PAK4: variants seen among roughly 807,000 people sequenced by gnomAD.
PAK4 encodes the protein p21 (RAC1) activated kinase 4.
PAK4 carries 49 observed loss-of-function variants against 53.5 expected under a neutral mutation model. The ratio of observed to expected loss-of-function variants is 0.92; its 90% confidence interval spans 0.73 to 1.16. The LOEUF (loss-of-function observed/expected upper bound fraction) is 1.16, where lower values mean the gene tolerates loss of function less well. Among genes scored for constraint, PAK4 ranks in the 50% most tolerant of loss-of-function variants. PAK4 has a pLI of 0.00. For missense variants in PAK4, 824 were observed against 850.7 expected (o/e 0.97, Z 0.39); for synonymous variants, 376 against 375.6 (o/e 1.00, Z -0.01).
At chr19:39,153,051 T>C (rs563927920) in intron 1 of PAK4, among the ~76,000 whole-genome samples, 5 of 152,280 alleles carry the variant, frequency 3.3e-5, no homozygotes, top group East Asian at 3.9e-4. Flanking sequence ...TGTATAGATA[T>C]ATCAATTTTT....
chr19:39,159,729 G>A (rs2074253002), intron 1 of PAK4, among the ~76,000 whole-genome samples: 1 of 152,216 alleles, frequency 6.6e-6, no homozygotes, highest in Admixed American at 6.5e-5. Context: ...ATAACAAGGT[G>A]AAGGTTGAGG....
At chr19:39,138,873 C>T (rs1347901591) in intron 1 of PAK4, among the ~76,000 whole-genome samples, 3 of 152,218 alleles carry the variant, frequency 2.0e-5, no homozygotes, top group African/African-American at 7.2e-5. Flanking sequence ...CACAGCGTGG[C>T]AGGAAGGAGC....
intron 1 of PAK4, among the ~76,000 whole-genome samples, chr19:39,144,779 A>G (rs1600332129): frequency 6.6e-6 from 1 of 151,374 alleles, no homozygotes; most frequent in African/African-American, 2.4e-5. Context: ...CATGTGTGTG[A>G]GTGTGTGTGT....
rs1404701675 is a variant in PAK4, at chr19:39,148,010, G to A, written c.-22-21522G>A. 2.1e-5 allele frequency among the ~76,000 whole-genome samples: 3 copies of A among 145,384 alleles called. No homozygotes were observed. The East Asian group carries it at 6.1e-4, about 30-fold the overall frequency. ...TCTGTCGCCCAGGCTGGAGTACAGT[G>A]GTGTGATCTCGGTTCACTGTGGCCT... On this transcript the variant is annotated intron_variant, in intron 1 of 8. Coordinates refer to ENST00000358301, the Ensembl canonical transcript of PAK4.
At chr19:39,144,182 A>C (rs1252659335) in intron 1 of PAK4, among the ~76,000 whole-genome samples, 1 of 151,590 alleles carries the variant, frequency 6.6e-6, no homozygotes, top group Admixed American at 6.6e-5. Flanking sequence ...AGATAGATAG[A>C]TAGATAGATA....
intron 1 of PAK4, among the ~76,000 whole-genome samples, chr19:39,144,064 G>A (rs2073956296): frequency 6.6e-6 from 1 of 152,026 alleles, no homozygotes; most frequent in South Asian, 2.1e-4. Flanking sequence ...TAGATAGATA[G>A]ATAAGATAGA....
intron 4 of PAK4, among the ~76,000 whole-genome samples, chr19:39,174,243 G>A (rs1453310600): frequency 3.3e-5 from 5 of 151,434 alleles, no homozygotes; most frequent in African/African-American, 1.2e-4. Flanking sequence ...AGGGTTCCTC[G>A]GGCCACTGAC....
At chr19:39,182,214 A>G, downstream of PAK4, 1 of 152,204 alleles carries the variant, frequency 6.6e-6, no homozygotes, top group Middle Eastern at 3.4e-3. Context: ...AGAATTCCTT[A>G]TGCTCCCAAG....
intron 1 of PAK4, among the ~76,000 whole-genome samples, chr19:39,146,515 C>G (rs945763756): frequency 3.3e-5 from 5 of 152,214 alleles, no homozygotes; most frequent in African/African-American, 1.2e-4. Context: ...ATTCTGAGAT[C>G]ATTGTAGATT....
rs1406346908 is a variant in PAK4, at chr19:39,178,036, C to T, written c.1620+227C>T. 6.6e-6 allele frequency among the ~76,000 whole-genome samples: 1 copy of T among 152,124 alleles called. No homozygotes were observed. Among genetic ancestry groups the T allele is most frequent in the African/African-American group, 2.4e-5 (1 of 41,412 alleles). ...AGGCCCTCTGCACCCTCACCATTGCCCTGGGCCCCACCCAGCCCTAGAGAG... is the reference window on the plus strand; with the variant it reads ...AGGCCCTCTGCACCCTCACCATTGCTCTGGGCCCCACCCAGCCCTAGAGAG... On this transcript the variant is annotated intron_variant, in intron 8 of 8. Transcript: ENST00000358301. This position sits in a 1 kb window ranked among gnomAD's most constrained non-coding sequence, Gnocchi z 4.4.
chr19:39,147,847 T>G (rs1464341361), intron 1 of PAK4, among the ~76,000 whole-genome samples: 2 of 147,060 alleles, frequency 1.4e-5, no homozygotes, highest in Non-Finnish European at 3.0e-5. Context: ...TCGGGTTTTT[T>G]TTTTTTTTTT....
chr19:39,137,093 A>G (rs893453590), intron 1 of PAK4, among the ~76,000 whole-genome samples: 5 of 152,180 alleles, frequency 3.3e-5, no homozygotes, highest in South Asian at 4.1e-4. Flanking sequence ...GTTCCTGGAC[A>G]TTCCTGAAGT....
chr19:39,159,088 C>T (rs1317221891), intron 1 of PAK4, among the ~76,000 whole-genome samples: 1 of 152,136 alleles, frequency 6.6e-6, no homozygotes, highest in African/African-American at 2.4e-5. Context: ...ATCACTACCC[C>T]CAGTTTGCAG....
chr19:39,130,084 C>T (rs1357929270), intron 1 of PAK4, among the ~76,000 whole-genome samples: 3 of 88,764 alleles, frequency 3.4e-5, no homozygotes, highest in Admixed American at 1.4e-4. Context: ...AGGGTCAGGG[C>T]GGGATGTGGG....
chr19:39,176,838 C>A, intron 7 of PAK4, 123 bp downstream of exon 8: 1 of 1,132,744 alleles, frequency 8.8e-7, no homozygotes, highest in Non-Finnish European at 1.3e-6. Flanking sequence ...GTGCTCTGGA[C>A]AAGGAGGTAC....
chr19:39,141,901 A>T (rs1245959360), intron 1 of PAK4, among the ~76,000 whole-genome samples: 1 of 152,244 alleles, frequency 6.6e-6, no homozygotes, highest in Non-Finnish European at 1.5e-5. Flanking sequence ...TGTTGGGATT[A>T]TAGGCGTGAG....
chr19:39,133,411 A>G (rs1393068055), intron 1 of PAK4, among the ~76,000 whole-genome samples: 1 of 152,148 alleles, frequency 6.6e-6, no homozygotes, highest in African/African-American at 2.4e-5. Context: ...GGACCCTCCC[A>G]TCAACTCCAA....
intron 1 of PAK4, among the ~76,000 whole-genome samples, chr19:39,166,461 C>G (rs1025650626): frequency 1.3e-5 from 2 of 152,174 alleles, no homozygotes; most frequent in Admixed American, 1.3e-4. Context: ...TAAATAAATA[C>G]TCCACGAAGC....
intron 1 of PAK4, among the ~76,000 whole-genome samples, chr19:39,128,822 CAGT>C (rs2145087806): frequency 6.6e-6 from 1 of 152,304 alleles, no homozygotes; most frequent in Non-Finnish European, 1.5e-5. Flanking sequence ...TATTCACCAA[CAGT>C]AGAGCAACAG....
Sources: allele counts gnomAD v4.1 joint callset (sites outside exome capture counted in the v4.1 genomes callset), GRCh38; gene constraint gnomAD v4.1.1; non-coding constraint Gnocchi (gnomAD v3.1); transcripts MANE v1.5; gene names NCBI Gene and HGNC (gene_info 2026-07-23, HGNC 2026-07-21).